ANKS1B: variants seen among roughly 807,000 people sequenced by gnomAD.
ANKS1B encodes the protein ankyrin repeat and sterile alpha motif domain containing 1B.
ANKS1B carries 36 observed loss-of-function variants against 148.3 expected under a neutral mutation model. The observed-to-expected ratio is 0.24, with a 90% CI of 0.19 to 0.32. The LOEUF (loss-of-function observed/expected upper bound fraction) is 0.32, where lower values mean the gene tolerates loss of function less well. Ranked by LOEUF, ANKS1B falls within the 10% of genes least tolerant of loss-of-function variation. The probability of loss-of-function intolerance (pLI) is 1.00; values close to 1 mark genes in which losing one functional copy is unlikely to be tolerated. For synonymous variants in ANKS1B, 542 were observed against 560.8 expected (o/e 0.97, Z 0.47); for missense variants, 1,157 against 1,542.6 (o/e 0.75, Z 4.19).
At chr12:98,810,251 C>T (rs758721071) in intron 19 of ANKS1B, among the ~76,000 whole-genome samples, 32 of 152,226 alleles carry the variant, frequency 2.1e-4, no homozygotes, top group Non-Finnish European at 3.7e-4. Context: ...ACTTGTGTGC[C>T]TTCATGTCCT....
chr12:99,747,335 C>T (rs747214395), intron 8 of ANKS1B, among the ~76,000 whole-genome samples: 48 of 151,986 alleles, frequency 3.2e-4, no homozygotes, highest in Admixed American at 3.3e-4. Context: ...CTGGTTTCCT[C>T]TCTTCTCCCT....
chr12:99,359,145 T>C (rs1566953924), intron 12 of ANKS1B, among the ~76,000 whole-genome samples: 1 of 152,192 alleles, frequency 6.6e-6, no homozygotes, highest in Non-Finnish European at 1.5e-5. Context: ...GTTGCTCTAA[T>C]GATCCAGTAT....
chr12:99,496,362 C>T (rs2096604411), intron 10 of ANKS1B, among the ~76,000 whole-genome samples: 1 of 152,160 alleles, frequency 6.6e-6, no homozygotes, highest in South Asian at 2.1e-4. Context: ...ACATAATATC[C>T]ATCCATTCAT....
chr12:99,203,706 C>T (rs1292456700), intron 14 of ANKS1B, among the ~76,000 whole-genome samples: 1 of 152,206 alleles, frequency 6.6e-6, no homozygotes, highest in Non-Finnish European at 1.5e-5. Context: ...CCGCCTCAGC[C>T]TCCCAAAGTG....
intron 25 of ANKS1B, among the ~76,000 whole-genome samples, chr12:98,770,306 A>G (rs1175317541): frequency 1.3e-5 from 2 of 152,232 alleles, no homozygotes; most frequent in Admixed American, 6.5e-5. Context: ...TATGACATCA[A>G]TCCAACCCCT....
At chr12:99,648,300 T>C (rs753956423) in intron 9 of ANKS1B, 4 of 1,614,196 alleles carry the variant, frequency 2.5e-6, no homozygotes, top group East Asian at 4.5e-5. Context: ...TATTCAGGTA[T>C]GCACCCATGT....
intron 16 of ANKS1B, chr12:99,080,029 C>T (rs1267484240): frequency 6.6e-6 from 1 of 152,418 alleles, no homozygotes; most frequent in Non-Finnish European, 1.5e-5. Context: ...TTCCTTTCTG[C>T]CAATCACTAA....
chr12:99,661,865 C>T (rs1172071823), intron 8 of ANKS1B, among the ~76,000 whole-genome samples: 1 of 152,186 alleles, frequency 6.6e-6, no homozygotes, highest in South Asian at 2.1e-4. Context: ...ATAAGAAGTG[C>T]TCTTGAAGTG....
chr12:99,232,168 C>G (rs1471306432), intron 14 of ANKS1B, among the ~76,000 whole-genome samples: 1 of 152,052 alleles, frequency 6.6e-6, no homozygotes, highest in Admixed American at 6.6e-5. Context: ...TTTATCTATC[C>G]AATATAGACA....
In ANKS1B at chr12:99,317,777, T is replaced by C. The variant is rs1292318192; in HGVS notation, c.1757-70913A>G. On this transcript the variant is annotated intron_variant, in intron 12 of 26. Transcript: ENST00000683438. ...AGGGAATGCTTCCAATTTTTGTCCA[T>C]TCAGTATGATATTGGCTGTGGGTTT... is the stretch of plus-strand genomic sequence containing the variant. 2.0e-5 allele frequency among the ~76,000 whole-genome samples: 3 copies of C among 152,210 alleles called. No homozygotes were observed. In the East Asian group the frequency reaches 5.8e-4, roughly 29 times the overall value.
At chr12:99,442,675 T>A (rs2095568911) in intron 11 of ANKS1B, among the ~76,000 whole-genome samples, 2 of 151,936 alleles carry the variant, frequency 1.3e-5, no homozygotes, top group Admixed American at 6.6e-5. Flanking sequence ...TATCCAAAAT[T>A]TAAGTGCCAT....
intron 8 of ANKS1B, among the ~76,000 whole-genome samples, chr12:99,740,774 C>T (rs906579771): frequency 6.6e-6 from 1 of 152,066 alleles, no homozygotes; most frequent in Non-Finnish European, 1.5e-5. Context: ...TGGGGCATCC[C>T]CTCACCCGGG....
intron 10 of ANKS1B, among the ~76,000 whole-genome samples, chr12:99,482,029 T>C (rs1179629564): frequency 1.3e-5 from 2 of 152,064 alleles, no homozygotes; most frequent in African/African-American, 4.8e-5. Flanking sequence ...TAAAGTGTTT[T>C]AGTTTAATTA....
At chr12:99,010,956 T>C (rs1056102869) in intron 17 of ANKS1B, among the ~76,000 whole-genome samples, 5 of 150,142 alleles carry the variant, frequency 3.3e-5, no homozygotes, top group Non-Finnish European at 7.4e-5. Flanking sequence ...TTGCCCAGGC[T>C]GGTCTTGAAG....
intron 15 of ANKS1B, among the ~76,000 whole-genome samples, chr12:99,098,618 A>C (rs553982840): frequency 2.9e-4 from 17 of 59,372 alleles, no homozygotes; most frequent in African/African-American, 9.8e-4. Context: ...GCTAGGAACT[A>C]CTTTTTTTTT....
chr12:98,914,607 C>T (rs529892121), intron 17 of ANKS1B, among the ~76,000 whole-genome samples: 1 of 152,224 alleles, frequency 6.6e-6, no homozygotes, highest in Admixed American at 6.5e-5. Flanking sequence ...ACCACTATCC[C>T]CCTTATTGAC....
chr12:98,940,662 G>A (rs2099835313), intron 17 of ANKS1B, among the ~76,000 whole-genome samples: 1 of 152,052 alleles, frequency 6.6e-6, no homozygotes, highest in Admixed American at 6.6e-5. Flanking sequence ...ATTTATTTTT[G>A]TATTCTTATG....
intron 17 of ANKS1B, 42 bp from the exon 18 acceptor site, chr12:98,832,178 C>T (rs763264884): frequency 6.9e-7 from 1 of 1,446,146 alleles, no homozygotes; most frequent in Non-Finnish European, 9.4e-7. Flanking sequence ...CACTGGAGAA[C>T]AAATAATTTT....
chr12:99,885,206 C>T (rs1376272054), intron 1 of ANKS1B, among the ~76,000 whole-genome samples: 2 of 151,764 alleles, frequency 1.3e-5, no homozygotes, highest in Non-Finnish European at 2.9e-5. Flanking sequence ...TCAGCTTAAA[C>T]GTTATTTTTT....
Sources: gnomAD v4.1 joint callset for allele counts (sites outside exome capture counted in the v4.1 genomes callset) on GRCh38, gnomAD v4.1.1 for gene constraint, MANE v1.5 for transcripts, NCBI Gene and HGNC (gene_info 2026-07-23, HGNC 2026-07-21) for gene names.